DRC3: variants seen among roughly 807,000 people sequenced by gnomAD.
The protein encoded by DRC3 is dynein regulatory complex subunit 3, also known as leucine rich repeat containing 48.
Under a neutral mutation model 57.6 loss-of-function variants are expected in DRC3, and 45 were observed. The observed-to-expected ratio is 0.78, with a 90% CI of 0.62 to 1.00. The LOEUF is 1.00. Among genes scored for constraint, DRC3 ranks in the 50% least tolerant of loss-of-function variants. DRC3 has a pLI of 0.00. For missense variants in DRC3, 655 were observed against 675.2 expected, an observed-to-expected ratio of 0.97 and a Z score of 0.33; for synonymous variants, 257 against 272.3, an observed-to-expected ratio of 0.94 and a Z score of 0.55.
intron 6 of DRC3, 59 bp from the exon 7 acceptor site, chr17:17,994,240 A>G: frequency 6.5e-7 from 1 of 1,542,358 alleles, no homozygotes; most frequent in South Asian, 1.2e-5. Context: ...GCGGCATGGC[A>G]GAGGCGGTGT....
intron 2 of DRC3, among the ~76,000 whole-genome samples, chr17:17,977,112 A>G (rs184231663): frequency 6.6e-6 from 1 of 152,268 alleles, no homozygotes; most frequent in African/African-American, 2.4e-5. Flanking sequence ...GCATACACAC[A>G]TGACGGCCTG....
At chr17:17,997,742 C>T in intron 9 of DRC3, 108 bp downstream of exon 9, 2 of 1,050,910 alleles carry the variant, frequency 1.9e-6, no homozygotes, top group South Asian at 3.6e-5. Flanking sequence ...TCTGATGACC[C>T]CTGAGGCCAA....
At chr17:17,973,716 C>G (rs1366168713) in intron 1 of DRC3, 136 bp from the exon 2 acceptor site, 1 of 152,160 alleles carries the variant, frequency 6.6e-6, no homozygotes, top group Non-Finnish European at 1.5e-5. Context: ...TCAAGCAGTC[C>G]TTCCACCTCG....
intron 12 of DRC3, among the ~76,000 whole-genome samples, chr17:18,009,254 T>G (rs2044087873): frequency 6.6e-6 from 1 of 152,046 alleles, no homozygotes; most frequent in East Asian, 1.9e-4. Flanking sequence ...TCTCTACAAA[T>G]AATAATTTAA....
At chr17:18,000,357 AGT>A (rs113487468) in intron 9 of DRC3, among the ~76,000 whole-genome samples, 2,427 of 65,000 alleles carry the variant, frequency 0.037, 53 homozygotes, top group African/African-American at 0.099. Context: ...CTTTCACGTG[AGT>A]GTGTGTGTGT....
At chr17:18,015,497 A>C (rs2044325978) in intron 12 of DRC3, 1 of 152,864 alleles carries the variant, frequency 6.5e-6, no homozygotes, top group Non-Finnish European at 1.5e-5. Flanking sequence ...GTTTCTAACA[A>C]CTTTTTACAA....
chr17:17,993,154 C>T, intron 6 of DRC3: 1 of 465,346 alleles, frequency 2.1e-6, no homozygotes, highest in South Asian at 2.6e-5. Flanking sequence ...CCAGGGCCAC[C>T]TCACAGCCAT....
intron 3 of DRC3, among the ~76,000 whole-genome samples, chr17:17,983,419 A>G (rs2042806632): frequency 6.6e-6 from 1 of 152,164 alleles, no homozygotes; most frequent in South Asian, 2.1e-4. Flanking sequence ...ACAGAGACAC[A>G]TGTTTTCATT....
intron 3 of DRC3, among the ~76,000 whole-genome samples, chr17:17,979,318 C>G (rs1395496033): frequency 6.6e-6 from 1 of 152,058 alleles, no homozygotes; most frequent in Non-Finnish European, 1.5e-5. Flanking sequence ...AAGTGGGGAC[C>G]CCGGGAGGGT....
In DRC3 at chr17:17,973,882, G is replaced by A. The variant is rs1427585220; in HGVS notation, c.-98G>A. The A allele has an allele frequency of 6.6e-6, 1 of 152,230 alleles. No individual in the cohort carries two copies. The highest frequency in any genetic ancestry group is 2.4e-5 in the African/African-American group (1 of 41,442). The allele number at this position is 152,230 out of a possible 1,614,324, so 9.4% of individuals were successfully genotyped here. On this transcript the variant is annotated 5_prime_UTR_variant, in exon 2 of 14. Transcript: ENST00000399187. ...TTCTGGATCTGTTATCTGTGAGGAG[G>A]CCACTCCGTTGACAGTTGTGTAAAA... is the stretch of plus-strand genomic sequence containing the variant.
chr17:17,984,707 C>T (rs142776356), intron 4 of DRC3, among the ~76,000 whole-genome samples: 4 of 152,258 alleles, frequency 2.6e-5, no homozygotes, highest in Admixed American at 6.5e-5. Flanking sequence ...CAAAGCTGCA[C>T]GACCAAGAAG....
chr17:17,974,653 C>G (rs1049916430), intron 2 of DRC3, among the ~76,000 whole-genome samples: 1 of 152,186 alleles, frequency 6.6e-6, no homozygotes, highest in African/African-American at 2.4e-5. Flanking sequence ...CAAGTCTGTT[C>G]TCTCCCACCT....
intron 1 of DRC3, among the ~76,000 whole-genome samples, chr17:17,973,415 T>C (rs907676762): frequency 4.6e-5 from 7 of 152,210 alleles, no homozygotes; most frequent in African/African-American, 1.2e-4. Context: ...TATCCGTCTC[T>C]GTCAGTAACT....
chr17:17,990,361 T>G (rs1175136459), intron 5 of DRC3, among the ~76,000 whole-genome samples: 1 of 152,216 alleles, frequency 6.6e-6, no homozygotes, highest in Non-Finnish European at 1.5e-5. Flanking sequence ...TGCATGGTCT[T>G]GCATGAATCA....
In DRC3 at chr17:18,011,204, G is replaced by A. The variant is rs182018225; in HGVS notation, c.1326+4057G>A. 52 of 224,018 alleles carry A rather than the reference G, an allele frequency of 2.3e-4. No individual in the cohort carries two copies. In the East Asian group the frequency reaches 4.1e-3, roughly 18 times the overall value. 13.9% of individuals were successfully genotyped at this position (224,018 alleles called of 1,614,324 possible). On this transcript the variant is annotated intron_variant, in intron 12 of 13. Transcript: ENST00000399187. ...ACTCCTGACCTCAGGTAATCTGCCC[G>A]CCTCAGCCTCCCAAAGTGCTGGGAT...
intron 6 of DRC3, 25 bp downstream of exon 6, chr17:17,992,936 C>T (rs1242158224): frequency 6.2e-7 from 1 of 1,613,192 alleles, no homozygotes; most frequent in African/African-American, 1.3e-5. Context: ...CTCAGTCTCC[C>T]AGCCCTGTGA....
At position 17,988,166 on chromosome 17, in the gene DRC3, G is replaced by T. The variant is rs1597578658; in HGVS notation, c.444+68G>T. ...CTTGGAGCGCCGTGGGTTGAGTGGG[G>T]GTCTGTGGCTAGGGGAAGTACAGGC... is the stretch of plus-strand genomic sequence containing the variant. On this transcript the variant is annotated intron_variant, in intron 5 of 13. Coordinates refer to ENST00000399187, the MANE Select transcript of DRC3 (RefSeq NM_031294.4). 4 of 1,502,952 alleles carry T rather than the reference G, an allele frequency of 2.7e-6. No homozygotes were observed. The East Asian group carries it at 9.5e-5, about 36-fold the overall frequency. The allele number at this position is 1,502,952 out of a possible 1,614,324, so 93.1% of individuals were successfully genotyped here.
intron 9 of DRC3, among the ~76,000 whole-genome samples, chr17:18,000,946 G>GT (rs2043704838): frequency 6.6e-6 from 1 of 151,992 alleles, no homozygotes; most frequent in African/African-American, 2.4e-5. Context: ...CATTGCCCAG[G>GT]TTGGAGTGCA....
In DRC3 at chr17:17,995,128, A is replaced by G. The variant is rs2043404145; in HGVS notation, c.824+17A>G. 1 of 1,583,086 alleles carries G rather than the reference A, an allele frequency of 6.3e-7. No homozygotes were observed. The highest frequency in any genetic ancestry group is 1.7e-5 in the Admixed American group (1 of 59,814). Reference sequence around the variant, plus strand: ...CCTTGAGACATATCCTTCTGAGTTCATGGCTGTCTCAGAGCCTCTGCCACC... The same window carrying G: ...CCTTGAGACATATCCTTCTGAGTTCGTGGCTGTCTCAGAGCCTCTGCCACC... On this transcript the variant is annotated intron_variant, in intron 8 of 13. Coordinates refer to ENST00000399187, the MANE Select transcript of DRC3 (RefSeq NM_031294.4).
Sources: gnomAD v4.1 joint callset for allele counts (sites outside exome capture counted in the v4.1 genomes callset) on GRCh38, gnomAD v4.1.1 for gene constraint, MANE v1.5 for transcripts, NCBI Gene and HGNC (gene_info 2026-07-23, HGNC 2026-07-21) for gene names.